The following GDAP1 variants were observed in gnomAD, a reference collection of about 807,000 sequenced individuals.
The protein encoded by GDAP1 is ganglioside induced differentiation associated protein 1, also known as ganglioside-induced differentiation-associated protein 1.
GDAP1 carries 34 observed loss-of-function variants against 40.1 expected under a neutral mutation model. That is an observed-to-expected ratio of 0.85 (90% CI 0.64 to 1.13). The LOEUF (loss-of-function observed/expected upper bound fraction) is 1.13. Ranked by LOEUF, GDAP1 falls within the 50% of genes most tolerant of loss-of-function variation. The probability of loss-of-function intolerance (pLI) is 0.00; values close to 1 mark genes in which losing one functional copy is unlikely to be tolerated. For missense variants in GDAP1, 374 were observed against 433.7 expected (o/e 0.86, Z 1.22); for synonymous variants, 170 against 157.4 (o/e 1.08, Z -0.60).
chr8:74,350,680 C>G (rs2131494522), intron 1 of GDAP1, 102 bp downstream of exon 1: 1 of 842,138 alleles, frequency 1.2e-6, no homozygotes. Context: ...CCTAGAAATC[C>G]GCCTCCAGTG....
intron 2 of GDAP1, among the ~76,000 whole-genome samples, chr8:74,395,370 A>G (rs1810178419): frequency 2.0e-5 from 3 of 152,174 alleles, no homozygotes; most frequent in Admixed American, 2.0e-4. Flanking sequence ...AAACACCTGG[A>G]TATTAAACAG....
intron 2 of GDAP1, among the ~76,000 whole-genome samples, chr8:74,475,646 G>C (rs1586846825): frequency 6.6e-6 from 1 of 152,278 alleles, no homozygotes; most frequent in East Asian, 1.9e-4. Flanking sequence ...TGGTCTGAAA[G>C]AGTTGTTGGT....
downstream of GDAP1, among the ~76,000 whole-genome samples, chr8:74,369,078 T>C (rs1258725090): frequency 6.6e-6 from 1 of 152,160 alleles, no homozygotes; most frequent in African/African-American, 2.4e-5. Context: ...CATCTTGGGC[T>C]TCTATGTGCC....
chr8:74,374,022 T>C (rs1038158043), intron 2 of GDAP1, among the ~76,000 whole-genome samples: 4 of 152,182 alleles, frequency 2.6e-5, no homozygotes, highest in African/African-American at 9.7e-5. Flanking sequence ...AACCATGTGG[T>C]TTTTGTCTTT....
intron 2 of GDAP1, among the ~76,000 whole-genome samples, chr8:74,481,805 G>T (rs974911186): frequency 6.6e-6 from 1 of 152,056 alleles, no homozygotes; most frequent in African/African-American, 2.4e-5. Flanking sequence ...AGGAGAAGGG[G>T]GCTAAAAAGC....
intron 2 of GDAP1, among the ~76,000 whole-genome samples, chr8:74,395,289 G>T (rs909143512): frequency 6.6e-6 from 1 of 152,074 alleles, no homozygotes; most frequent in Non-Finnish European, 1.5e-5. Context: ...TAAGTTCAGG[G>T]ACCTGGTCCT....
rs1052038409 is a variant in GDAP1, at chr8:74,364,661, C to G, written c.*294C>G. On this transcript the variant is annotated 3_prime_UTR_variant, in exon 6 of 6. Transcript: ENST00000220822. The stretch of plus-strand genomic sequence containing the variant: ...ATAGAAAGTAAGCTTCGGGTGCCTC[C>G]AACGTTCATGGCTGCCTGTCTCATT... 7.6e-6 allele frequency: 4 copies of G among 523,484 alleles called. No homozygotes were observed. The highest frequency in any genetic ancestry group is 7.6e-5 in the African/African-American group (4 of 52,826). 32.4% of individuals were successfully genotyped at this position (523,484 alleles called of 1,614,324 possible).
chr8:74,483,367 G>A (rs1466263495), intron 2 of GDAP1, among the ~76,000 whole-genome samples: 1 of 151,900 alleles, frequency 6.6e-6, no homozygotes, highest in African/African-American at 2.4e-5. Context: ...CTATTAGGTT[G>A]GTGCAAAAGT....
chr8:74,393,640 G>C, intron 2 of GDAP1, among the ~76,000 whole-genome samples: 1 of 152,060 alleles, frequency 6.6e-6, no homozygotes, highest in Non-Finnish European at 1.5e-5. Flanking sequence ...TTGTCGACCT[G>C]GGAGAATAAC....
chr8:74,360,745 C>T (rs752553985), intron 3 of GDAP1, among the ~76,000 whole-genome samples: 2 of 152,200 alleles, frequency 1.3e-5, no homozygotes, highest in Non-Finnish European at 2.9e-5. Flanking sequence ...AACTATTACT[C>T]TGTCTCTATG....
chr8:74,462,204 G>C (rs1386957570), intron 2 of GDAP1, among the ~76,000 whole-genome samples: 2 of 152,104 alleles, frequency 1.3e-5, no homozygotes. Context: ...TGTTTGCCTA[G>C]AGTTAATTTT....
chr8:74,415,168 A>G (rs1805762727), intron 2 of GDAP1, among the ~76,000 whole-genome samples: 1 of 150,218 alleles, frequency 6.7e-6, no homozygotes, highest in African/African-American at 2.5e-5. Flanking sequence ...AGTTAGTTAG[A>G]AGAGAAATGA....
intron 2 of GDAP1, among the ~76,000 whole-genome samples, chr8:74,388,063 C>G (rs888644390): frequency 6.6e-6 from 1 of 152,104 alleles, no homozygotes; most frequent in African/African-American, 2.4e-5. Context: ...ATTCTTCTCT[C>G]TTTTCTTGTT....
chr8:74,468,855 A>G (rs1806507770), intron 2 of GDAP1, among the ~76,000 whole-genome samples: 1 of 152,164 alleles, frequency 6.6e-6, no homozygotes, highest in African/African-American at 2.4e-5. Flanking sequence ...TAGTAGGCAT[A>G]GTGATCATTT....
intron 2 of GDAP1, among the ~76,000 whole-genome samples, chr8:74,456,351 C>T (rs1191548562): frequency 2.6e-5 from 4 of 151,798 alleles, no homozygotes; most frequent in African/African-American, 4.8e-5. Context: ...ATTAAGTTAG[C>T]CCAATTTCTT....
chr8:74,355,062 C>T (rs958980206), intron 2 of GDAP1, among the ~76,000 whole-genome samples: 2 of 152,170 alleles, frequency 1.3e-5, no homozygotes, highest in African/African-American at 4.8e-5. Flanking sequence ...ATATTTCTAT[C>T]CTTGTACTTT....
chr8:74,456,810 A>G (rs1178690359), intron 2 of GDAP1, among the ~76,000 whole-genome samples: 1 of 152,066 alleles, frequency 6.6e-6, no homozygotes, highest in Non-Finnish European at 1.5e-5. Flanking sequence ...GAATTTTAAT[A>G]TGCTTAAGAT....
intron 2 of GDAP1, among the ~76,000 whole-genome samples, chr8:74,456,996 G>T (rs767929991): frequency 2.0e-5 from 3 of 152,042 alleles, no homozygotes; most frequent in African/African-American, 2.4e-5. Context: ...TTGGAGAAGG[G>T]TGGCCCATGC....
At chr8:74,384,237 A>C (rs1006040250) in intron 2 of GDAP1, among the ~76,000 whole-genome samples, 1 of 152,018 alleles carries the variant, frequency 6.6e-6, no homozygotes, top group Non-Finnish European at 1.5e-5. Flanking sequence ...GCTCCTGGTA[A>C]TTCACTTCAA....
Sources: allele counts gnomAD v4.1 joint callset (sites outside exome capture counted in the v4.1 genomes callset), GRCh38; gene constraint gnomAD v4.1.1; transcripts MANE v1.5; gene names NCBI Gene and HGNC (gene_info 2026-07-23, HGNC 2026-07-21).